POMT1: variants seen among roughly 807,000 people sequenced by gnomAD.
POMT1 encodes the protein protein O-mannosyltransferase 1.
Under a neutral mutation model 101.6 loss-of-function variants are expected in POMT1, and 85 were observed. That is an observed-to-expected ratio of 0.84 (90% CI 0.70 to 1.00). The LOEUF is 1.00. Among genes scored for constraint, POMT1 ranks in the 50% least tolerant of loss-of-function variants. The pLI is 0.00. For missense variants in POMT1, 857 were observed against 930.4 expected (o/e 0.92, Z 1.03); for synonymous variants, 371 against 383.0 (o/e 0.97, Z 0.37).
Position 131,521,454 on chromosome 9 carries a change from G to C in POMT1, c.1807G>C (p.Val603Leu), listed in dbSNP as rs139494172. The C allele has an allele frequency of 2.5e-6, 4 of 1,613,972 alleles. No individual in the cohort carries two copies. In the African/African-American group the frequency reaches 5.3e-5, roughly 22 times the overall value. ...LWYLLRRRRN[V>L]HDLPQDAWLR... ...GTACCTGCTCCGACGGCGAAGAAAT[G>C]TCCATGACCTCCCTCAGGGTTAGTA... is the stretch of plus-strand genomic sequence containing the variant. Residue 603 changes from valine to leucine, a missense_variant, in exon 18 of 20, where the codon GTC becomes CTC. Coordinates refer to ENST00000402686, the MANE Select transcript of POMT1 (RefSeq NM_001077365.2).
At chr9:131,506,957 C>T (rs570910940) in intron 4 of POMT1, among the ~76,000 whole-genome samples, 1 of 151,936 alleles carries the variant, frequency 6.6e-6, no homozygotes, top group African/African-American at 2.4e-5. Context: ...GTCCCAGCAA[C>T]TCGGGAGGCT....
intron 12 of POMT1, among the ~76,000 whole-genome samples, chr9:131,515,102 G>A (rs528969094): frequency 6.6e-6 from 1 of 152,362 alleles, no homozygotes; most frequent in African/African-American, 2.4e-5. Flanking sequence ...AGCTGGCATC[G>A]CAGCAGTACC....
At chr9:131,512,017 C>T (rs1458724610) in intron 10 of POMT1, 24 bp from the exon 11 acceptor site, 1 of 1,613,630 alleles carries the variant, frequency 6.2e-7, no homozygotes, top group Non-Finnish European at 8.5e-7. Flanking sequence ...GGCCCAGATA[C>T]ATCTCTTTGT....
At chr9:131,509,653 A>C (rs887716185) in intron 6 of POMT1, 90 bp from the exon 7 acceptor site, 3 of 1,612,138 alleles carry the variant, frequency 1.9e-6, no homozygotes, top group Admixed American at 3.3e-5. Flanking sequence ...CCGACCCAGA[A>C]AGATTTCTCT....
chr9:131,522,093 CTGGGCAGTGAACTACCTCCCG>C lies in POMT1; in HGVS notation c.1874_1894del (p.Trp625_Pro631del). On this transcript the variant is annotated inframe_deletion, in exon 19 of 20. Coordinates refer to ENST00000402686, the MANE Select transcript of POMT1 (RefSeq NM_001077365.2). This position sits in a 1 kb window ranked among gnomAD's most constrained non-coding sequence, Gnocchi z 5.5. ...TGGCTGGGGCGCTGTGTGCCGGTGG[CTGGGCAGTGAACTACCTCCCG>C]TTCTTCCTGATGGAGAAGACACTCT... is the stretch of plus-strand genomic sequence containing the variant. The C allele has an allele frequency of 1.2e-6, 2 of 1,614,114 alleles. No homozygotes were observed. The highest frequency in any genetic ancestry group is 2.2e-5 in the South Asian group (2 of 91,082).
chr9:131,509,639 C>T lies in POMT1; in HGVS notation c.540-104C>T, dbSNP rs1161816403. On this transcript the variant is annotated intron_variant, in intron 6 of 19. Coordinates refer to ENST00000402686, the MANE Select transcript of POMT1 (RefSeq NM_001077365.2). ...TTACTGCCCCTGTGGCTCAGCATGG[C>T]CAGCCGACCCAGAAAGATTTCTCTG... 5 of 1,605,490 alleles carry T rather than the reference C, an allele frequency of 3.1e-6. No homozygotes were observed. The East Asian group carries it at 8.9e-5, about 29-fold the overall frequency.
chr9:131,511,483 T>C lies in POMT1; in HGVS notation c.986+16T>C. The C allele has an allele frequency of 6.2e-7, 1 of 1,613,966 alleles. No homozygotes were observed. The highest frequency in any genetic ancestry group is 8.5e-7 in the Non-Finnish European group (1 of 1,179,778). ...ACCCCATGATGTAAGGTGATGGTTT[T>C]ACTTTGAAGATAATTAAATGCTTTA... is the stretch of plus-strand genomic sequence containing the variant. On this transcript the variant is annotated intron_variant, in intron 10 of 19. Coordinates refer to ENST00000402686, the MANE Select transcript of POMT1 (RefSeq NM_001077365.2).
At chr9:131,517,147 C>G (rs552808572) in intron 13 of POMT1, among the ~76,000 whole-genome samples, 1 of 152,218 alleles carries the variant, frequency 6.6e-6, no homozygotes, top group Non-Finnish European at 1.5e-5. Context: ...TTTCTGCCTA[C>G]GCAGGCTCAG....
At position 131,509,276 on chromosome 9, in the gene POMT1, G is replaced by A. The variant is rs146881380; in HGVS notation, c.539+254G>A. Among the ~76,000 whole-genome samples the A allele has an allele frequency of 3.8e-4, 58 of 152,140 alleles. No homozygotes were observed. In the East Asian group the frequency reaches 0.011, roughly 29 times the overall value. On this transcript the variant is annotated intron_variant, in intron 6 of 19. Transcript: ENST00000402686. ...AGCAATTCTCCAGCCTCAGTCTCCC[G>A]AGTAGCTGAGATTACAGGCACACAG... is the stretch of plus-strand genomic sequence containing the variant.
chr9:131,521,950 A>G (rs1241527444), intron 18 of POMT1, 97 bp from the exon 19 acceptor site: 1 of 1,587,334 alleles, frequency 6.3e-7, no homozygotes, highest in Non-Finnish European at 8.5e-7. Flanking sequence ...CAGCCTGGGC[A>G]ACATAGTAAG....
At chr9:131,511,756 C>T in intron 10 of POMT1, 1 of 576,970 alleles carries the variant, frequency 1.7e-6, no homozygotes, top group Non-Finnish European at 3.1e-6. Flanking sequence ...TCTTCATTTT[C>T]CCTGAAACCC....
chr9:131,504,395 G>A, intron 2 of POMT1, 55 bp downstream of exon 2: 1 of 1,613,704 alleles, frequency 6.2e-7, no homozygotes, highest in Non-Finnish European at 8.5e-7. Context: ...TTTGTGACAG[G>A]AGGCGCCCTT....
chr9:131,520,017 A>G lies in POMT1; in HGVS notation c.1585-63A>G, dbSNP rs1277658340. ...GGGGCAGCAGTGTACTCCTTTGACCAAATCCACGCACAGCGGGAGGCATCC... is the reference window on the plus strand; with the variant it reads ...GGGGCAGCAGTGTACTCCTTTGACCGAATCCACGCACAGCGGGAGGCATCC... On this transcript the variant is annotated intron_variant, in intron 16 of 19. Transcript: ENST00000402686. The G allele has an allele frequency of 8.7e-6, 12 of 1,372,814 alleles. No individual in the cohort carries two copies. The African/African-American group carries it at 1.6e-4, about 18-fold the overall frequency. The allele number at this position is 1,372,814 out of a possible 1,614,324, so 85.0% of individuals were successfully genotyped here.
Position 131,511,320 on chromosome 9 carries a change from T to G in POMT1, c.856-17T>G, listed in dbSNP as rs766266374. The stretch of plus-strand genomic sequence containing the variant: ...TCTTTCTGTCTCTCACTCATCAACC[T>G]TCTGCTTCTGTCTCAGGGAGGACTA... On this transcript the variant is annotated splice_polypyrimidine_tract_variant and intron_variant, in intron 9 of 19. Transcript: ENST00000402686. 25 of 1,602,100 alleles carry G rather than the reference T, an allele frequency of 1.6e-5. No individual in the cohort carries two copies. Among genetic ancestry groups the G allele is most frequent in the Non-Finnish European group, 2.1e-5 (25 of 1,170,434 alleles).
chr9:131,513,301 T>G lies in POMT1; in HGVS notation c.1145T>G (p.Val382Gly). 6.2e-7 allele frequency: 1 copy of G among 1,612,546 alleles called. No homozygotes were observed. The highest frequency in any genetic ancestry group is 8.5e-7 in the Non-Finnish European group (1 of 1,179,916). ...AGGCACGGGGACATGGTGCAGCTGGTCCACGGCATGACCACCCGCTCCCTG... is the reference window on the plus strand; with the variant it reads ...AGGCACGGGGACATGGTGCAGCTGGGCCACGGCATGACCACCCGCTCCCTG... Reference protein sequence around the residue: ...PVRHGDMVQLVHGMTTRSLNT... With the variant: ...PVRHGDMVQLGHGMTTRSLNT... The change falls in exon 12 of 20, where the codon GTC becomes GGC. Residue 382 changes from valine (V) to glycine (G), a missense_variant. Transcript: ENST00000402686.
At position 131,519,486 on chromosome 9, in the gene POMT1, G is replaced by T; in HGVS notation, c.1584G>T (p.Gln528His). 6.5e-7 allele frequency: 1 copy of T among 1,549,808 alleles called. No individual in the cohort carries two copies. Residue 528 changes from glutamine (Q) to histidine (H), a missense_variant and splice_region_variant, in exon 16 of 20, where the codon CAG becomes CAT. Transcript: ENST00000402686. The surrounding 1 kb of genome is among the most constrained non-coding windows in gnomAD (Gnocchi z 4.3). The stretch of plus-strand genomic sequence containing the variant: ...TCATGGCGAGATTCTCGGAGCTGCA[G>T]GTGAGGAGCGGCCAGGGGAAGCTGG... Reference protein sequence around the residue: ...LSFMARFSELQWRMLALRSDD... With the variant: ...LSFMARFSELHWRMLALRSDD...
rs201533471 is a variant in POMT1, at chr9:131,504,248, G to A, written c.30G>A (p.Val10=). ...GGGGATTTTTGAAGCGCCCTGTAGT[G>A]GTGACGGCTGACATCAACTTGAGCC... is the stretch of plus-strand genomic sequence containing the variant. MWGFLKRPV[V]VTADINLSLV... Residue 10 remains valine (V), a synonymous_variant, in exon 2 of 20, where the codon GTG becomes GTA. Coordinates refer to ENST00000402686, the MANE Select transcript of POMT1 (RefSeq NM_001077365.2). 4.3e-5 allele frequency: 70 copies of A among 1,614,056 alleles called. No individual in the cohort carries two copies. Among genetic ancestry groups the A allele is most frequent in the Non-Finnish European group, 1.0e-5 (12 of 1,180,034 alleles).
At chr9:131,517,899 G>A (rs141617563) in intron 13 of POMT1, among the ~76,000 whole-genome samples, 126 of 152,390 alleles carry the variant, frequency 8.3e-4, no homozygotes, top group Middle Eastern at 3.4e-3. Context: ...GGGTTCTCTG[G>A]TTGTGACAGT....
Position 131,503,327 on chromosome 9 carries a change from TG to T in POMT1, c.-31+258del. On this transcript the variant is annotated intron_variant, in intron 1 of 19. Coordinates refer to ENST00000402686, the MANE Select transcript of POMT1 (RefSeq NM_001077365.2). The surrounding 1 kb of genome is among the most constrained non-coding windows in gnomAD (Gnocchi z 4.4). ...TGCAGTCTCAGGGTGAGGACGGAGCTGGGGCCGACGCAGCCTCGGGAGTTGG... is the reference window on the plus strand; with the variant it reads ...TGCAGTCTCAGGGTGAGGACGGAGCTGGGCCGACGCAGCCTCGGGAGTTGG... 6.5e-6 allele frequency: 1 copy of T among 153,700 alleles called. No individual in the cohort carries two copies. Among genetic ancestry groups the T allele is most frequent in the Non-Finnish European group, 1.4e-5 (1 of 69,232 alleles). 9.5% of individuals were successfully genotyped at this position (153,700 alleles called of 1,614,324 possible).
Sources: gnomAD v4.1 joint callset for allele counts (sites outside exome capture counted in the v4.1 genomes callset) on GRCh38, gnomAD v4.1.1 for gene constraint, Gnocchi (gnomAD v3.1) non-coding constraint, MANE v1.5 for transcripts, NCBI Gene and HGNC (gene_info 2026-07-23, HGNC 2026-07-21) for gene names.